Variants in COBL observed in about 807,000 individuals in gnomAD.
COBL encodes the protein protein cordon-bleu.
A neutral mutation model predicts 98.8 loss-of-function variants in COBL; 51 were observed. The observed-to-expected ratio is 0.52, with a 90% confidence interval of 0.41 to 0.65. COBL has a LOEUF of 0.65. Among genes scored for constraint, COBL ranks in the 30% least tolerant of loss-of-function variants. The pLI is 0.00. For missense variants in COBL, 1,617 were observed against 1,617.5 expected (o/e 1.00, Z 0.01); for synonymous variants, 634 against 651.7 (o/e 0.97, Z 0.41).
chr7:51,259,440 G>A, intron 1 of COBL: 1 of 503,982 alleles, frequency 2.0e-6, no homozygotes, highest in South Asian at 2.0e-5. Context: ...TAGTTCAGCT[G>A]GTGGATGAGC....
chr7:51,120,431 T>C (rs750322298), intron 6 of COBL, among the ~76,000 whole-genome samples: 1 of 152,216 alleles, frequency 6.6e-6, no homozygotes, highest in Admixed American at 6.5e-5. Context: ...CTTAAGGTTA[T>C]ACCTTTTAAA....
intron 5 of COBL, among the ~76,000 whole-genome samples, chr7:51,162,329 G>A (rs1424453269): frequency 1.3e-5 from 2 of 152,172 alleles, no homozygotes; most frequent in Non-Finnish European, 2.9e-5. Flanking sequence ...TCTGGAAAAT[G>A]TAAAATTCCA....
At chr7:51,111,685 T>A (rs1796841569) in intron 6 of COBL, among the ~76,000 whole-genome samples, 3 of 152,162 alleles carry the variant, frequency 2.0e-5, no homozygotes, top group African/African-American at 4.8e-5. Flanking sequence ...CCTGGGCCCC[T>A]GCATGCTCCT....
At chr7:51,284,409 C>A (rs924177848) in intron 1 of COBL, among the ~76,000 whole-genome samples, 1 of 151,858 alleles carries the variant, frequency 6.6e-6, no homozygotes, top group East Asian at 1.9e-4. Context: ...ACCATACTGA[C>A]AGTTTAAAGA....
chr7:51,029,730 T>C, intron 9 of COBL, 139 bp from the exon 10 acceptor site: 1 of 682,042 alleles, frequency 1.5e-6, no homozygotes, highest in South Asian at 2.3e-5. Flanking sequence ...TTTGGGTTTG[T>C]AATCTACATA....
intron 1 of COBL, chr7:51,260,215 G>A (rs1160879147): frequency 3.0e-6 from 2 of 668,176 alleles, no homozygotes; most frequent in African/African-American, 3.6e-5. Flanking sequence ...ACCACATGGG[G>A]AAGATGGCAC....
At chr7:51,153,760 T>C (rs903420243) in intron 5 of COBL, among the ~76,000 whole-genome samples, 1 of 152,166 alleles carries the variant, frequency 6.6e-6, no homozygotes, top group Non-Finnish European at 1.5e-5. Flanking sequence ...GTGGGTAACG[T>C]CAGGACAGCC....
At chr7:51,065,855 T>A (rs1262780073) in intron 7 of COBL, among the ~76,000 whole-genome samples, 1 of 152,184 alleles carries the variant, frequency 6.6e-6, no homozygotes, top group African/African-American at 2.4e-5. Flanking sequence ...GGAGGCCTCA[T>A]CCAACAGGAC....
intron 5 of COBL, among the ~76,000 whole-genome samples, chr7:51,152,648 C>T (rs1488207874): frequency 6.6e-6 from 1 of 152,196 alleles, no homozygotes; most frequent in Non-Finnish European, 1.5e-5. Flanking sequence ...TACAACCCTA[C>T]CTATGTTTTC....
intron 7 of COBL, among the ~76,000 whole-genome samples, chr7:51,067,579 A>C (rs994521527): frequency 6.6e-6 from 1 of 152,124 alleles, no homozygotes; most frequent in Non-Finnish European, 1.5e-5. Context: ...CCTTTTTAGA[A>C]CCACTAGTCA....
intron 6 of COBL, among the ~76,000 whole-genome samples, chr7:51,128,420 C>T (rs1798424517): frequency 6.6e-6 from 1 of 151,642 alleles, no homozygotes; most frequent in Non-Finnish European, 1.5e-5. Context: ...CATTGGAAGA[C>T]CAAACTGAGT....
chr7:51,287,063 A>G (rs1800431801), intron 1 of COBL, among the ~76,000 whole-genome samples: 1 of 152,194 alleles, frequency 6.6e-6, no homozygotes, highest in Non-Finnish European at 1.5e-5. Flanking sequence ...AACATTGAGT[A>G]CACATGGACA....
At chr7:51,257,096 G>A (rs1040418011) in intron 1 of COBL, among the ~76,000 whole-genome samples, 34 of 152,196 alleles carry the variant, frequency 2.2e-4, no homozygotes, top group Middle Eastern at 3.4e-3. Context: ...GCTTCCTAGC[G>A]GTCATGGCAA....
At position 51,023,290 on chromosome 7, in the gene COBL, A is replaced by G. The variant is rs148858190; in HGVS notation, c.3768+1819T>C. 5.9e-5 allele frequency among the ~76,000 whole-genome samples: 9 copies of G among 152,354 alleles called. No homozygotes were observed. In the East Asian group the frequency reaches 1.7e-3, roughly 29 times the overall value. On this transcript the variant is annotated intron_variant, in intron 12 of 12. Transcript: ENST00000265136. ...GGAATAAAAAAGCATAAAGAAAACC[A>G]AAGAGCCTTAAGTAATTTCTAATTG...
At chr7:51,132,072 C>T (rs977019169) in intron 6 of COBL, among the ~76,000 whole-genome samples, 4 of 152,184 alleles carry the variant, frequency 2.6e-5, no homozygotes, top group Non-Finnish European at 5.9e-5. Context: ...TGCTGCAGCG[C>T]CTTGGTGATT....
intron 7 of COBL, among the ~76,000 whole-genome samples, chr7:51,081,778 T>G (rs969377939): frequency 6.6e-6 from 1 of 152,090 alleles, no homozygotes; most frequent in African/African-American, 2.4e-5. Context: ...GGAAGGAAAT[T>G]CTGTAGGTGA....
intron 6 of COBL, among the ~76,000 whole-genome samples, chr7:51,090,758 G>C (rs1181440657): frequency 6.6e-6 from 1 of 152,216 alleles, no homozygotes; most frequent in Non-Finnish European, 1.5e-5. Flanking sequence ...TTTGTGGGGA[G>C]GCTTGTTCAG....
chr7:51,068,554 T>C (rs1170637547), intron 7 of COBL, among the ~76,000 whole-genome samples: 6 of 152,222 alleles, frequency 3.9e-5, no homozygotes. Flanking sequence ...TATGTACATA[T>C]ACACATATAC....
intron 1 of COBL, among the ~76,000 whole-genome samples, chr7:51,225,022 T>A (rs1794047027): frequency 6.6e-6 from 1 of 152,216 alleles, no homozygotes; most frequent in East Asian, 1.9e-4. Context: ...TGTGTGTGGA[T>A]GGCCTGTGCA....
Sources: allele counts gnomAD v4.1 joint callset (sites outside exome capture counted in the v4.1 genomes callset), GRCh38; gene constraint gnomAD v4.1.1; transcripts MANE v1.5; gene names NCBI Gene and HGNC (gene_info 2026-07-23, HGNC 2026-07-21).